The following SNTG1 variants were observed in gnomAD, a reference collection of about 807,000 sequenced individuals.
SNTG1 encodes the protein syntrophin gamma 1.
A neutral mutation model predicts 74.7 loss-of-function variants in SNTG1; 39 were observed. That is an observed-to-expected ratio of 0.52 (90% CI 0.40 to 0.68). SNTG1 has a LOEUF of 0.68. Among genes scored for constraint, SNTG1 ranks in the 30% least tolerant of loss-of-function variants. The pLI is 0.00. For missense variants in SNTG1, 685 were observed against 609.5 expected, an observed-to-expected ratio of 1.12 and a Z score of -1.30; for synonymous variants, 254 against 217.1, an observed-to-expected ratio of 1.17 and a Z score of -1.49.
chr8:49,941,241 C>T (rs1410911465), intron 1 of SNTG1, among the ~76,000 whole-genome samples: 3 of 151,960 alleles, frequency 2.0e-5, no homozygotes, highest in Non-Finnish European at 4.4e-5. Flanking sequence ...CCGTGCAGTT[C>T]CTTTTGAGGA....
intron 1 of SNTG1, among the ~76,000 whole-genome samples, chr8:49,957,829 G>A (rs962902276): frequency 1.3e-5 from 2 of 152,096 alleles, no homozygotes; most frequent in African/African-American, 2.4e-5. Context: ...AGCCAGGCAT[G>A]GTGGTGTGTG....
At chr8:50,112,362 C>A (rs1230094893) in intron 1 of SNTG1, among the ~76,000 whole-genome samples, 1 of 151,972 alleles carries the variant, frequency 6.6e-6, no homozygotes, top group East Asian at 1.9e-4. Flanking sequence ...AGATAACCTT[C>A]TGATTTGAAG....
intron 2 of SNTG1, among the ~76,000 whole-genome samples, chr8:50,195,195 A>AG (rs2083717963): frequency 6.6e-6 from 1 of 151,824 alleles, no homozygotes; most frequent in South Asian, 2.1e-4. Context: ...GCCTCTGCTG[A>AG]GTCATGCAGG....
chr8:50,665,170 G>T (rs1179874552), intron 15 of SNTG1, among the ~76,000 whole-genome samples: 2 of 152,088 alleles, frequency 1.3e-5, no homozygotes, highest in African/African-American at 4.8e-5. Context: ...GAGAAAACAT[G>T]CTTGGCAGGG....
chr8:50,490,404 C>T (rs940780500), intron 8 of SNTG1, among the ~76,000 whole-genome samples: 1 of 152,182 alleles, frequency 6.6e-6, no homozygotes, highest in African/African-American at 2.4e-5. Flanking sequence ...TATCCATGTG[C>T]ATGGAATGTT....
chr8:50,750,968 G>A (rs1314761601), intron 17 of SNTG1, among the ~76,000 whole-genome samples: 2 of 151,884 alleles, frequency 1.3e-5, no homozygotes, highest in Non-Finnish European at 2.9e-5. Flanking sequence ...AAAGATGTGA[G>A]ACATATACTC....
chr8:50,004,987 A>G (rs1815079554), intron 1 of SNTG1, among the ~76,000 whole-genome samples: 1 of 152,176 alleles, frequency 6.6e-6, no homozygotes, highest in Non-Finnish European at 1.5e-5. Context: ...AGTTAAACCA[A>G]TAAATGGCCT....
intron 1 of SNTG1, among the ~76,000 whole-genome samples, chr8:49,936,551 GA>G (rs1351575718): frequency 1.4e-4 from 22 of 152,246 alleles, no homozygotes; most frequent in Admixed American, 3.9e-4. Context: ...ATTTCCTCCA[GA>G]AAATTCACTT....
intron 1 of SNTG1, among the ~76,000 whole-genome samples, chr8:49,990,798 G>T (rs183884859): frequency 2.0e-5 from 3 of 152,048 alleles, no homozygotes; most frequent in Non-Finnish European, 4.4e-5. Context: ...ACTCAAAATG[G>T]ATCATAAGCA....
chr8:50,613,995 G>A (rs1171224744), intron 13 of SNTG1, among the ~76,000 whole-genome samples: 1 of 152,080 alleles, frequency 6.6e-6, no homozygotes, highest in Non-Finnish European at 1.5e-5. Context: ...TTAGAATGAT[G>A]TCTATGAGAT....
chr8:49,933,108 G>A (rs1366679749), intron 1 of SNTG1, among the ~76,000 whole-genome samples: 3 of 152,034 alleles, frequency 2.0e-5, no homozygotes, highest in African/African-American at 4.8e-5. Context: ...TTATGTGAAC[G>A]TATGTTTTCA....
chr8:50,496,316 T>C (rs2093903917), intron 8 of SNTG1, among the ~76,000 whole-genome samples: 1 of 152,160 alleles, frequency 6.6e-6, no homozygotes, highest in Non-Finnish European at 1.5e-5. Context: ...TTAACTATGA[T>C]CCTCACAAGC....
At chr8:50,562,944 T>A (rs1247315593) in intron 12 of SNTG1, among the ~76,000 whole-genome samples, 1 of 152,214 alleles carries the variant, frequency 6.6e-6, no homozygotes, top group African/African-American at 2.4e-5. Context: ...TCACGCAGTC[T>A]GAGCAAGGAC....
chr8:50,536,017 C>G (rs2094304594), intron 10 of SNTG1, among the ~76,000 whole-genome samples: 1 of 152,106 alleles, frequency 6.6e-6, no homozygotes. Flanking sequence ...AAATATTAGT[C>G]TCCTCTATAT....
At chr8:50,372,695 T>A (rs1396406483) in intron 2 of SNTG1, among the ~76,000 whole-genome samples, 1 of 152,066 alleles carries the variant, frequency 6.6e-6, no homozygotes, top group Non-Finnish European at 1.5e-5. Context: ...TGTAACAGGA[T>A]GGGATGACAA....
chr8:49,951,069 T>C (rs765480437), intron 1 of SNTG1, among the ~76,000 whole-genome samples: 10 of 152,228 alleles, frequency 6.6e-5, no homozygotes, highest in Non-Finnish European at 1.5e-4. Context: ...TGAATTAATC[T>C]ATTCTAACAC....
At chr8:50,308,984 AT>A (rs2090004864) in intron 2 of SNTG1, among the ~76,000 whole-genome samples, 2 of 152,152 alleles carry the variant, frequency 1.3e-5, no homozygotes, top group African/African-American at 4.8e-5. Flanking sequence ...CACATCAAAG[AT>A]GACTTTGAAA....
intron 1 of SNTG1, among the ~76,000 whole-genome samples, chr8:50,139,893 A>G (rs1276928693): frequency 6.6e-6 from 1 of 152,244 alleles, no homozygotes; most frequent in African/African-American, 2.4e-5. Context: ...AGTGATGAGT[A>G]AACTCAGATA....
chr8:50,386,499 C>T (rs2092576780), intron 2 of SNTG1, among the ~76,000 whole-genome samples: 1 of 151,974 alleles, frequency 6.6e-6, no homozygotes, highest in African/African-American at 2.4e-5. Context: ...CTTTATGTGG[C>T]CCGACTTCCT....
Sources: allele counts gnomAD v4.1 joint callset (sites outside exome capture counted in the v4.1 genomes callset), GRCh38; gene constraint gnomAD v4.1.1; transcripts MANE v1.5; gene names NCBI Gene and HGNC (gene_info 2026-07-23, HGNC 2026-07-21).